The following GPATCH2L variants were observed in gnomAD, a reference collection of about 807,000 sequenced individuals.
GPATCH2L encodes the protein G-patch domain containing 2 like, also known as G patch domain-containing protein 2-like.
GPATCH2L carries 31 observed loss-of-function variants against 57.4 expected under a neutral mutation model. That is an observed-to-expected ratio of 0.54 (90% CI 0.41 to 0.73). The LOEUF (loss-of-function observed/expected upper bound fraction) is 0.73, where lower values mean the gene tolerates loss of function less well. Among genes scored for constraint, GPATCH2L ranks in the 30% least tolerant of loss-of-function variants. The probability of loss-of-function intolerance (pLI) is 0.00; values close to 1 mark genes in which losing one functional copy is unlikely to be tolerated. For missense variants in GPATCH2L, 481 were observed against 599.9 expected (o/e 0.80, Z 2.07); for synonymous variants, 199 against 210.7 (o/e 0.94, Z 0.48).
intron 3 of GPATCH2L, among the ~76,000 whole-genome samples, chr14:76,169,769 T>G (rs2139646344): frequency 6.6e-6 from 1 of 152,352 alleles, no homozygotes; most frequent in East Asian, 1.9e-4. Flanking sequence ...TAAGGAATGC[T>G]TATGAATAAG....
chr14:76,160,006 C>T (rs557929663), intron 2 of GPATCH2L, among the ~76,000 whole-genome samples: 16 of 152,136 alleles, frequency 1.1e-4, no homozygotes, highest in South Asian at 6.2e-4. Flanking sequence ...TGGTGGTGGA[C>T]GCCTGTAGTC....
Position 76,209,881 on chromosome 14 carries a change from A to G in GPATCH2L, c.*8030A>G, listed in dbSNP as rs1247184792. 6.6e-6 allele frequency: 1 copy of G among 152,218 alleles called. No homozygotes were observed. Among genetic ancestry groups the G allele is most frequent in the Non-Finnish European group, 1.5e-5 (1 of 68,036 alleles). The allele number at this position is 152,218 out of a possible 1,614,324, so 9.4% of individuals were successfully genotyped here. A position where few individuals can be genotyped will look rare whatever the true frequency, so the allele number is the denominator to read the frequency against. ...GTAGTCATATGCCTGTGTCCTGGCT[A>G]GGAAGTCAGAATGAGGTTATCTGGA... On this transcript the variant is annotated 3_prime_UTR_variant, in exon 10 of 10. Coordinates refer to ENST00000261530, the MANE Select transcript of GPATCH2L (RefSeq NM_017926.4).
rs1389008439 is a variant in GPATCH2L, at chr14:76,201,734, C to G, written c.1332C>G (p.Ala444=). ...AVEPTTPASQ[A]PKSPSSEWLV... Reference sequence around the variant, plus strand: ...AGCCAACCACACCAGCATCACAAGCCCCCAAATCACCCAGCTCTGAGTGGT... The same window carrying G: ...AGCCAACCACACCAGCATCACAAGCGCCCAAATCACCCAGCTCTGAGTGGT... The change falls in exon 10 of 10, where the codon GCC becomes GCG. Residue 444 remains alanine (A), a synonymous_variant. Coordinates refer to ENST00000261530, the MANE Select transcript of GPATCH2L (RefSeq NM_017926.4). The G allele has an allele frequency of 6.2e-7, 1 of 1,613,582 alleles. No individual in the cohort carries two copies. Among genetic ancestry groups the G allele is most frequent in the African/African-American group, 1.3e-5 (1 of 74,854 alleles).
Position 76,213,145 on chromosome 14 carries a change from A to G in GPATCH2L, c.*11294A>G, listed in dbSNP as rs1490609969. 1 of 152,176 alleles carries G rather than the reference A, an allele frequency of 6.6e-6. No individual in the cohort carries two copies. The highest frequency in any genetic ancestry group is 1.5e-5 in the Non-Finnish European group (1 of 68,022). The allele number at this position is 152,176 out of a possible 1,614,324, so 9.4% of individuals were successfully genotyped here. A position where few individuals can be genotyped will look rare whatever the true frequency, so the allele number is the denominator to read the frequency against. On this transcript the variant is annotated 3_prime_UTR_variant, in exon 10 of 10. Coordinates refer to ENST00000261530, the MANE Select transcript of GPATCH2L (RefSeq NM_017926.4). ...ATTAGAAAAATGAGGAAACAAAGCT[A>G]ATTTTTAAAATATGTAGTAAAATAT...
chr14:76,176,497 G>T, intron 5 of GPATCH2L, 126 bp from the exon 6 acceptor site: 1 of 673,892 alleles, frequency 1.5e-6, no homozygotes, highest in South Asian at 1.7e-5. Flanking sequence ...TTTATTTTAA[G>T]ATTGACTTTT....
In GPATCH2L at chr14:76,231,996, C is replaced by CCTCACTGCAGG. The variant is rs1439241883; in HGVS notation, c.*117+2048_*117+2058dup. ...CAGCCTCACTGCAGCCTCACTGCAG[C>CCTCACTGCAGG]CTCACTGCAGGCTCAAGCAATCTTC... On this transcript the variant is annotated intron_variant and NMD_transcript_variant, in intron 2 of 3. Coordinates refer to the GPATCH2L transcript ENST00000556372. Among the ~76,000 whole-genome samples the CCTCACTGCAGG allele has an allele frequency of 4.2e-4, 62 of 148,152 alleles. 1 individual carries two copies. The East Asian group carries it at 5.2e-3, about 12-fold the overall frequency.
In GPATCH2L at chr14:76,155,036, C is replaced by G. The variant is rs770360493; in HGVS notation, c.662+11C>G. 3 of 1,593,200 alleles carry G rather than the reference C, an allele frequency of 1.9e-6. No homozygotes were observed. Among genetic ancestry groups the G allele is most frequent in the African/African-American group, 2.7e-5 (2 of 74,270 alleles). ...GAACATGTCAGAATGGTGAGATCTC[C>G]CTTACTAAGTCAAAGATTTTCCTGG... On this transcript the variant is annotated intron_variant, in intron 2 of 9. Coordinates refer to ENST00000261530, the MANE Select transcript of GPATCH2L (RefSeq NM_017926.4).
At chr14:76,197,079 T>C (rs1186972030) in intron 9 of GPATCH2L, among the ~76,000 whole-genome samples, 1 of 152,162 alleles carries the variant, frequency 6.6e-6, no homozygotes, top group African/African-American at 2.4e-5. Flanking sequence ...TATTCCCAAT[T>C]TACACATGAG....
At chr14:76,152,585 G>T (rs755594781) in intron 1 of GPATCH2L, 3 of 449,394 alleles carry the variant, frequency 6.7e-6, no homozygotes, top group Non-Finnish European at 1.3e-5. Context: ...GCCCGGGTGC[G>T]TGCCTGGCCG....
intron 8 of GPATCH2L, among the ~76,000 whole-genome samples, chr14:76,181,919 T>C (rs1246709395): frequency 6.6e-6 from 1 of 152,190 alleles, no homozygotes; most frequent in Non-Finnish European, 1.5e-5. Flanking sequence ...AGAAGTTACT[T>C]TCATGGATAC....
At chr14:76,185,612 TTTCC>T (rs1422555315) in intron 8 of GPATCH2L, among the ~76,000 whole-genome samples, 1 of 152,210 alleles carries the variant, frequency 6.6e-6, no homozygotes, top group Non-Finnish European at 1.5e-5. Context: ...TTTAGTGACC[TTTCC>T]TTTATTTTGG....
At chr14:76,174,042 A>G (rs1208450632) in intron 5 of GPATCH2L, 1 of 189,030 alleles carries the variant, frequency 5.3e-6, no homozygotes, top group Admixed American at 6.1e-5. Flanking sequence ...CATTAAAAAA[A>G]AAAAACAAAA....
At position 76,206,785 on chromosome 14, in the gene GPATCH2L, C is replaced by T. The variant is rs529754653; in HGVS notation, c.*4934C>T. The T allele has an allele frequency of 9.8e-5, 15 of 152,384 alleles. No homozygotes were observed. Among genetic ancestry groups the T allele is most frequent in the African/African-American group, 3.6e-4 (15 of 41,576 alleles). The allele number at this position is 152,384 out of a possible 1,614,324, so 9.4% of individuals were successfully genotyped here. A position where few individuals can be genotyped will look rare whatever the true frequency, so the allele number is the denominator to read the frequency against. ...CATGCTCAAGTTTGAGAACCATAGGCTTTGCCACGGTTAAAAAGATGTTTT... is the reference window on the plus strand; with the variant it reads ...CATGCTCAAGTTTGAGAACCATAGGTTTTGCCACGGTTAAAAAGATGTTTT... On this transcript the variant is annotated 3_prime_UTR_variant, in exon 10 of 10. Coordinates refer to ENST00000261530, the MANE Select transcript of GPATCH2L (RefSeq NM_017926.4).
At chr14:76,188,862 A>G (rs938603431) in intron 8 of GPATCH2L, among the ~76,000 whole-genome samples, 1 of 152,020 alleles carries the variant, frequency 6.6e-6, no homozygotes, top group African/African-American at 2.4e-5. Context: ...TCTTTAATCT[A>G]CTTGATTTGA....
intron 8 of GPATCH2L, among the ~76,000 whole-genome samples, chr14:76,189,704 C>T (rs546991244): frequency 2.4e-4 from 37 of 152,156 alleles, no homozygotes; most frequent in African/African-American, 7.9e-4. Context: ...TTTCTCTTGT[C>T]TGATTACTCT....
intron 8 of GPATCH2L, among the ~76,000 whole-genome samples, chr14:76,185,307 A>ATGGTGTGAT (rs2039724753): frequency 6.6e-6 from 1 of 152,200 alleles, no homozygotes; most frequent in Non-Finnish European, 1.5e-5. Flanking sequence ...CAAACAGCAG[A>ATGGTGTGAT]TGGTGTGATT....
chr14:76,194,866 G>T (rs1773468177), intron 8 of GPATCH2L, among the ~76,000 whole-genome samples: 1 of 152,122 alleles, frequency 6.6e-6, no homozygotes, highest in Admixed American at 6.5e-5. Context: ...TTAATCAACA[G>T]CTAATGAGGA....
rs1480847153 is a variant in GPATCH2L, at chr14:76,213,024, A to C, written c.*11173A>C. ...CTCAGAGGAAAATTCATTGCCCTAA[A>C]ATTTATGTATTAAAAAATAAGATAA... On this transcript the variant is annotated 3_prime_UTR_variant, in exon 10 of 10. Transcript: ENST00000261530. 2 of 152,164 alleles carry C rather than the reference A, an allele frequency of 1.3e-5. No homozygotes were observed. The highest frequency in any genetic ancestry group is 2.9e-5 in the Non-Finnish European group (2 of 68,020). The allele number at this position is 152,164 out of a possible 1,614,324, so 9.4% of individuals were successfully genotyped here.
chr14:76,222,043 G>A (rs2040517171), intron 1 of GPATCH2L, among the ~76,000 whole-genome samples: 3 of 152,262 alleles, frequency 2.0e-5, no homozygotes, highest in Admixed American at 1.3e-4. Flanking sequence ...ACTCTGGTGA[G>A]GAAGGCTGTG....
Sources: gnomAD v4.1 joint callset for allele counts (sites outside exome capture counted in the v4.1 genomes callset) on GRCh38, gnomAD v4.1.1 for gene constraint, MANE v1.5 for transcripts, NCBI Gene and HGNC (gene_info 2026-07-23, HGNC 2026-07-21) for gene names.